Variants in TRHDE observed in about 807,000 individuals in gnomAD.
The protein encoded by TRHDE is thyrotropin-releasing hormone-degrading ectoenzyme.
TRHDE carries 72 observed loss-of-function variants against 125.7 expected under a neutral mutation model. The observed-to-expected ratio is 0.57, with a 90% confidence interval of 0.47 to 0.70. The LOEUF (loss-of-function observed/expected upper bound fraction) is 0.70. Among genes scored for constraint, TRHDE ranks in the 30% least tolerant of loss-of-function variants. The probability of loss-of-function intolerance (pLI) is 0.00; values close to 1 mark genes in which losing one functional copy is unlikely to be tolerated. For synonymous variants in TRHDE, 509 were observed against 509.1 expected, an observed-to-expected ratio of 1.00 and a Z score of 0.00; for missense variants, 1,110 against 1,327.1, an observed-to-expected ratio of 0.84 and a Z score of 2.54.
At chr12:72,345,875 TTA>T (rs34363832) in intron 2 of TRHDE, among the ~76,000 whole-genome samples, 18,769 of 152,062 alleles carry the variant, frequency 0.12, 1,728 homozygotes, top group East Asian at 0.46. Flanking sequence ...AGAGTGCCTT[TTA>T]GTTTGCCTTC....
Position 72,475,524 on chromosome 12 carries a change from T to C in TRHDE, c.1584+2344T>C, listed in dbSNP as rs545085356. Among the ~76,000 whole-genome samples, 10 of 152,320 alleles carry C rather than the reference T, an allele frequency of 6.6e-5. No homozygotes were observed. The East Asian group carries it at 1.9e-3, about 29-fold the overall frequency. On this transcript the variant is annotated intron_variant, in intron 5 of 18. Transcript: ENST00000261180. ...CATGGTAATATATCTTCAGTTTCAG[T>C]ATCCTCATTCCAAATTTTGTCTTTG...
chr12:72,341,240 CAT>C (rs1001638191), intron 2 of TRHDE, among the ~76,000 whole-genome samples: 2 of 151,830 alleles, frequency 1.3e-5, no homozygotes, highest in Admixed American at 6.6e-5. Flanking sequence ...CCCATCAGCT[CAT>C]CATTTACATT....
chr12:72,112,226 C>CATCT (rs1218899430), intron 2 of TRHDE, among the ~76,000 whole-genome samples: 2 of 152,056 alleles, frequency 1.3e-5, no homozygotes, highest in African/African-American at 4.8e-5. Flanking sequence ...TGTACTAGGG[C>CATCT]ATCTGTTCAG....
intron 2 of TRHDE, among the ~76,000 whole-genome samples, chr12:72,134,865 TAAAC>T (rs879904533): frequency 6.6e-6 from 1 of 152,196 alleles, no homozygotes; most frequent in Non-Finnish European, 1.5e-5. Context: ...TAATTCCAGA[TAAAC>T]AAATGATGAA....
At chr12:72,662,761 T>A (rs1424218977) in intron 18 of TRHDE, among the ~76,000 whole-genome samples, 1 of 152,068 alleles carries the variant, frequency 6.6e-6, no homozygotes, top group Admixed American at 6.6e-5. Flanking sequence ...TCTGTTTTAA[T>A]ATCTAATCAT....
chr12:72,598,227 C>A (rs1003119238), intron 12 of TRHDE, among the ~76,000 whole-genome samples: 1 of 152,026 alleles, frequency 6.6e-6, no homozygotes, highest in South Asian at 2.1e-4. Context: ...AATCAGTCAC[C>A]TTTATTCATA....
chr12:72,436,439 A>C (rs1245896565), intron 3 of TRHDE, among the ~76,000 whole-genome samples: 33 of 152,010 alleles, frequency 2.2e-4, no homozygotes, highest in Non-Finnish European at 1.5e-5. Flanking sequence ...AACCTATTAA[A>C]ATTTTTAGAT....
intron 3 of TRHDE, among the ~76,000 whole-genome samples, chr12:72,407,220 T>A (rs1428941702): frequency 6.6e-6 from 1 of 152,196 alleles, no homozygotes; most frequent in Non-Finnish European, 1.5e-5. Flanking sequence ...ATGAGTCTCC[T>A]GCAGTTGGAA....
intron 15 of TRHDE, among the ~76,000 whole-genome samples, chr12:72,629,682 G>A (rs1310898204): frequency 1.3e-5 from 2 of 151,618 alleles, no homozygotes; most frequent in Non-Finnish European, 3.0e-5. Flanking sequence ...TTTGTACTAA[G>A]ACACAGTGAG....
intron 1 of TRHDE, among the ~76,000 whole-genome samples, chr12:72,284,112 G>A (rs144601405): frequency 1.6e-4 from 24 of 152,122 alleles, no homozygotes; most frequent in Non-Finnish European, 2.4e-4. Context: ...TTATTGGAAC[G>A]TTTTTTATTA....
intron 12 of TRHDE, among the ~76,000 whole-genome samples, chr12:72,615,053 GC>G (rs1368403768): frequency 5.3e-5 from 8 of 152,152 alleles, no homozygotes; most frequent in Admixed American, 3.3e-4. Context: ...GATGGGAGGA[GC>G]AGCTGTCTAG....
At chr12:72,295,108 G>A (rs1377646895) in intron 2 of TRHDE, among the ~76,000 whole-genome samples, 3 of 142,916 alleles carry the variant, frequency 2.1e-5, no homozygotes, top group African/African-American at 7.7e-5. Context: ...TGTGGTTTGG[G>A]TGACTGCAGC....
At chr12:72,363,393 C>G (rs1375105398) in intron 2 of TRHDE, among the ~76,000 whole-genome samples, 2 of 151,836 alleles carry the variant, frequency 1.3e-5, no homozygotes, top group Non-Finnish European at 2.9e-5. Context: ...CAAACCGAAT[C>G]CAGCAGCACA....
At chr12:72,500,929 A>G (rs1159244674) in intron 6 of TRHDE, among the ~76,000 whole-genome samples, 2 of 150,312 alleles carry the variant, frequency 1.3e-5, no homozygotes, top group African/African-American at 4.9e-5. Context: ...ACTCCTACAA[A>G]GATTATACTG....
chr12:72,503,782 G>A (rs1449467993), intron 6 of TRHDE, among the ~76,000 whole-genome samples: 1 of 152,110 alleles, frequency 6.6e-6, no homozygotes, highest in Non-Finnish European at 1.5e-5. Context: ...ACCCTAATGA[G>A]CTCAGAGAAG....
upstream of TRHDE, among the ~76,000 whole-genome samples, chr12:72,268,986 A>G (rs1005274905): frequency 2.6e-5 from 4 of 152,232 alleles, no homozygotes; most frequent in African/African-American, 9.6e-5. Flanking sequence ...TTACAGCACC[A>G]CATGGTCCCA....
At chr12:72,152,304 G>C (rs868343747) in intron 2 of TRHDE, among the ~76,000 whole-genome samples, 1 of 149,410 alleles carries the variant, frequency 6.7e-6, no homozygotes. Flanking sequence ...GGGCTGAGAC[G>C]ATGGGGTTTT....
intron 3 of TRHDE, among the ~76,000 whole-genome samples, chr12:72,466,386 C>A (rs915127044): frequency 1.3e-5 from 2 of 152,130 alleles, no homozygotes; most frequent in African/African-American, 4.8e-5. Flanking sequence ...TATGGAATTG[C>A]CTCTACTTTG....
chr12:72,443,244 T>C (rs1875111064), intron 3 of TRHDE, among the ~76,000 whole-genome samples: 1 of 150,362 alleles, frequency 6.7e-6, no homozygotes, highest in African/African-American at 2.5e-5. Context: ...TCCACTACTT[T>C]ATGTGCTTGA....
Sources: gnomAD v4.1 joint callset for allele counts (sites outside exome capture counted in the v4.1 genomes callset) on GRCh38, gnomAD v4.1.1 for gene constraint, MANE v1.5 for transcripts, NCBI Gene and HGNC (gene_info 2026-07-23, HGNC 2026-07-21) for gene names.